The following SYN3 variants were observed in gnomAD, a reference collection of about 807,000 sequenced individuals.
SYN3 encodes synapsin-3.
Under a neutral mutation model 65.8 loss-of-function variants are expected in SYN3, and 35 were observed. The observed-to-expected ratio is 0.53, with a 90% confidence interval of 0.41 to 0.70. SYN3 has a LOEUF of 0.70. SYN3 is among the 30% of genes least tolerant of loss of function. SYN3 has a pLI of 0.00. For synonymous variants in SYN3, 270 were observed against 292.9 expected, an observed-to-expected ratio of 0.92 and a Z score of 0.80; for missense variants, 680 against 749.0, an observed-to-expected ratio of 0.91 and a Z score of 1.08.
At chr22:32,623,777 C>A (rs1254444941) in intron 6 of SYN3, among the ~76,000 whole-genome samples, 3 of 152,192 alleles carry the variant, frequency 2.0e-5, no homozygotes, top group Middle Eastern at 3.2e-3. Context: ...AAACTGATGG[C>A]ATTTTTCTAA....
intron 6 of SYN3, among the ~76,000 whole-genome samples, chr22:32,806,025 A>G (rs2046725427): frequency 6.6e-6 from 1 of 151,958 alleles, no homozygotes. Flanking sequence ...CCTTGAAACC[A>G]TCAAGCCACA....
intron 6 of SYN3, chr22:32,861,777 G>C (rs1470769762): frequency 1.3e-5 from 2 of 152,608 alleles, no homozygotes; most frequent in Non-Finnish European, 2.9e-5. Flanking sequence ...CTATAGCTTT[G>C]TTTATTTCAC....
At chr22:32,949,445 T>C (rs12160593) in intron 3 of SYN3, among the ~76,000 whole-genome samples, 3,333 of 149,674 alleles carry the variant, frequency 0.022, 126 homozygotes, top group African/African-American at 0.078. Flanking sequence ...GGTTTTGGAG[T>C]ATTCTGGATT....
chr22:32,968,129 G>A, intron 3 of SYN3, among the ~76,000 whole-genome samples: 1 of 152,220 alleles, frequency 6.6e-6, no homozygotes, highest in East Asian at 1.9e-4. Flanking sequence ...AACACATCAT[G>A]TGGGTCTGAC....
chr22:33,011,152 G>A (rs773756925), intron 1 of SYN3, among the ~76,000 whole-genome samples: 3 of 152,170 alleles, frequency 2.0e-5, no homozygotes, highest in East Asian at 1.9e-4. Context: ...ACCTTGTTCC[G>A]AATCTTAGGG....
At chr22:32,925,329 A>C (rs906007247) in intron 4 of SYN3, among the ~76,000 whole-genome samples, 3 of 152,210 alleles carry the variant, frequency 2.0e-5, no homozygotes, top group Non-Finnish European at 4.4e-5. Flanking sequence ...CACCTTAATC[A>C]TCACATCTGC....
intron 7 of SYN3, among the ~76,000 whole-genome samples, chr22:32,565,830 GC>G (rs998649875): frequency 5.6e-4 from 85 of 151,620 alleles, no homozygotes; most frequent in Admixed American, 3.3e-4. Context: ...TCTTGCCTCA[GC>G]CCCCCCGAGT....
intron 6 of SYN3, among the ~76,000 whole-genome samples, chr22:32,693,276 C>G (rs1408485038): frequency 6.6e-6 from 1 of 152,196 alleles, no homozygotes; most frequent in Non-Finnish European, 1.5e-5. Context: ...CACTGTCGAT[C>G]TGATAACAGA....
At chr22:32,960,744 G>A (rs952724827) in intron 3 of SYN3, among the ~76,000 whole-genome samples, 3 of 152,186 alleles carry the variant, frequency 2.0e-5, no homozygotes, top group Non-Finnish European at 4.4e-5. Flanking sequence ...GACCAGTGTG[G>A]ATCATGTCAC....
At chr22:32,970,983 C>G (rs2052002698) in intron 3 of SYN3, among the ~76,000 whole-genome samples, 1 of 152,216 alleles carries the variant, frequency 6.6e-6, no homozygotes, top group Admixed American at 6.5e-5. Context: ...GTGTCACATG[C>G]CTGGGCAATT....
At chr22:32,865,087 A>G in intron 5 of SYN3, 83 bp from the exon 6 acceptor site, 1 of 1,129,594 alleles carries the variant, frequency 8.9e-7, no homozygotes, top group East Asian at 2.4e-5. Flanking sequence ...GGCCTCAAGC[A>G]TCTGACTGTT....
At chr22:33,021,662 G>C (rs2053561258) in intron 1 of SYN3, among the ~76,000 whole-genome samples, 2 of 152,116 alleles carry the variant, frequency 1.3e-5, no homozygotes, top group Admixed American at 1.3e-4. Flanking sequence ...CTCAGGTCCT[G>C]CTGAAATGTC....
At chr22:32,998,254 A>C (rs2052946722) in intron 2 of SYN3, among the ~76,000 whole-genome samples, 1 of 152,134 alleles carries the variant, frequency 6.6e-6, no homozygotes, top group African/African-American at 2.4e-5. Context: ...AACTCTTGGA[A>C]AATCTAGAAA....
intron 6 of SYN3, among the ~76,000 whole-genome samples, chr22:32,755,055 A>T (rs182961067): frequency 9.9e-5 from 15 of 152,246 alleles, no homozygotes; most frequent in Admixed American, 9.8e-4. Context: ...GGACTGAGGG[A>T]CTAGAGAGCA....
intron 3 of SYN3, among the ~76,000 whole-genome samples, chr22:32,937,132 G>T (rs1166933125): frequency 6.6e-6 from 1 of 152,144 alleles, no homozygotes; most frequent in African/African-American, 2.4e-5. Context: ...CCACAACAAG[G>T]AGAAATCAAC....
chr22:32,678,363 C>T (rs903527781), intron 6 of SYN3, among the ~76,000 whole-genome samples: 37 of 152,126 alleles, frequency 2.4e-4, no homozygotes, highest in Middle Eastern at 3.2e-3. Context: ...TGTCTATTCC[C>T]ACTTCTCTCC....
intron 6 of SYN3, among the ~76,000 whole-genome samples, chr22:32,758,959 AG>A (rs2045375613): frequency 6.6e-6 from 1 of 151,658 alleles, no homozygotes; most frequent in South Asian, 2.1e-4. Flanking sequence ...GATAACCAAA[AG>A]TCTTCCCACA....
At chr22:32,907,345 C>A (rs1051006945) in intron 4 of SYN3, among the ~76,000 whole-genome samples, 1 of 152,196 alleles carries the variant, frequency 6.6e-6, no homozygotes, top group African/African-American at 2.4e-5. Context: ...TGGACCCAGG[C>A]AGTCTGATTC....
rs12158728 is a variant in SYN3 at position 32,710,100 on chromosome 22, T to C, written c.712-113364A>G. ...GCACACACACACACACACACACACA[T>C]GTGTGTGTGTATGTGTGTGTGTGTG... On this transcript the variant is annotated intron_variant, in intron 6 of 13. Transcript: ENST00000358763. Among the ~76,000 whole-genome samples, 200 of 68,308 alleles carry C rather than the reference T, an allele frequency of 2.9e-3. 1 individual carries two copies. The highest frequency in any genetic ancestry group is 0.014 in the African/African-American group (149 of 10,818). 44.8% of individuals were successfully genotyped at this position (68,308 alleles called of 152,430 possible).
Sources: gnomAD v4.1 joint callset for allele counts (sites outside exome capture counted in the v4.1 genomes callset) on GRCh38, gnomAD v4.1.1 for gene constraint, MANE v1.5 for transcripts, NCBI Gene and HGNC (gene_info 2026-07-23, HGNC 2026-07-21) for gene names.